Variants in MTMR3 observed in about 807,000 individuals in gnomAD.
MTMR3 encodes the protein myotubularin related protein 3.
A neutral mutation model predicts 132.4 loss-of-function variants in MTMR3; 32 were observed. That is an observed-to-expected ratio of 0.24 (90% CI 0.18 to 0.32). MTMR3 has a LOEUF of 0.32. Ranked by LOEUF, MTMR3 falls within the 10% of genes least tolerant of loss-of-function variation. The probability of loss-of-function intolerance (pLI) is 1.00; values close to 1 mark genes in which losing one functional copy is unlikely to be tolerated. For synonymous variants in MTMR3, 556 were observed against 550.3 expected, an observed-to-expected ratio of 1.01 and a Z score of -0.14; for missense variants, 1,216 against 1,489.6, an observed-to-expected ratio of 0.82 and a Z score of 3.02.
At chr22:29,978,581 T>C (rs2066675924) in intron 4 of MTMR3, 50 bp downstream of exon 4, 1 of 1,416,898 alleles carries the variant, frequency 7.1e-7, no homozygotes, top group Non-Finnish European at 9.9e-7. Flanking sequence ...GCATTAACTG[T>C]ATAGCAGAGT....
intron 3 of MTMR3, among the ~76,000 whole-genome samples, chr22:29,973,160 C>T (rs1194613978): frequency 2.6e-5 from 4 of 152,172 alleles, no homozygotes; most frequent in Admixed American, 6.5e-5. Flanking sequence ...TTGTTTTTAA[C>T]TGTAAACCGC....
chr22:29,986,666 T>G, intron 5 of MTMR3: 7 of 853,528 alleles, frequency 8.2e-6, no homozygotes, highest in Non-Finnish European at 9.9e-6. Flanking sequence ...TTTCTTTTCT[T>G]TTTTTTTTGT....
chr22:29,933,214 T>G (rs1356119240), intron 1 of MTMR3, among the ~76,000 whole-genome samples: 1 of 152,056 alleles, frequency 6.6e-6, no homozygotes, highest in East Asian at 1.9e-4. Context: ...ATGATCCACC[T>G]GCCTCGGCCT....
At chr22:29,975,909 G>T (rs1413694548) in intron 3 of MTMR3, among the ~76,000 whole-genome samples, 1 of 152,190 alleles carries the variant, frequency 6.6e-6, no homozygotes. Flanking sequence ...CTGGCCAGTG[G>T]TGGTTCTTTA....
chr22:30,024,042 C>G (rs924173867), intron 19 of MTMR3: 1 of 153,250 alleles, frequency 6.5e-6, no homozygotes, highest in Non-Finnish European at 1.5e-5. Context: ...CGCCTATAAT[C>G]CTAGCACTTT....
At chr22:29,982,830 T>C (rs1235734127) in intron 5 of MTMR3, 1 of 152,194 alleles carries the variant, frequency 6.6e-6, no homozygotes. Context: ...TTGCTCCTAT[T>C]CTGTGCTTTT....
chr22:29,901,365 A>G (rs1315950896), intron 1 of MTMR3, among the ~76,000 whole-genome samples: 2 of 151,744 alleles, frequency 1.3e-5, no homozygotes, highest in East Asian at 1.9e-4. Flanking sequence ...TTGGAGGCAG[A>G]TGAGACCAAA....
intron 1 of MTMR3, among the ~76,000 whole-genome samples, chr22:29,887,819 T>C (rs1463609144): frequency 1.3e-5 from 2 of 152,194 alleles, no homozygotes; most frequent in Non-Finnish European, 2.9e-5. Flanking sequence ...AATGTACTTA[T>C]TTAAAAAAGC....
In MTMR3 at chr22:30,012,470, G is replaced by T. The variant is rs746094739; in HGVS notation, c.1224G>T (p.Pro408=). 6.2e-7 allele frequency: 1 copy of T among 1,614,100 alleles called. No homozygotes were observed. The highest frequency in any genetic ancestry group is 8.5e-7 in the Non-Finnish European group (1 of 1,180,026). ...ATGCTGTGGATCAGGATCAGCGGCCGGTGCTAGTACACTGCTCAGATGGCT... is the reference window on the plus strand; with the variant it reads ...ATGCTGTGGATCAGGATCAGCGGCCTGTGCTAGTACACTGCTCAGATGGCT... The part of the protein sequence containing the change: ...VVHAVDQDQR[P]VLVHCSDGWD... The change falls in exon 13 of 20, where the codon CCG becomes CCT. Residue 408 remains proline, a synonymous_variant. Coordinates refer to ENST00000401950, the MANE Select transcript of MTMR3 (RefSeq NM_021090.4).
intron 1 of MTMR3, among the ~76,000 whole-genome samples, chr22:29,898,094 G>A (rs9614103): frequency 1.3e-5 from 2 of 152,136 alleles, no homozygotes; most frequent in African/African-American, 4.8e-5. Context: ...TCGAGCCTCA[G>A]CCTCTCGAGT....
chr22:30,009,870 C>G (rs1397545755), intron 12 of MTMR3: 1 of 152,192 alleles, frequency 6.6e-6, no homozygotes, highest in Non-Finnish European at 1.5e-5. Flanking sequence ...GGTATTTGTG[C>G]TGGAGCCCAT....
intron 1 of MTMR3, among the ~76,000 whole-genome samples, chr22:29,932,580 A>G (rs556274062): frequency 6.6e-6 from 1 of 152,202 alleles, no homozygotes; most frequent in African/African-American, 2.4e-5. Flanking sequence ...AGCATTCCTC[A>G]TGGTCAGAGT....
At position 30,009,149 on chromosome 22, in the gene MTMR3, T is replaced by G; in HGVS notation, c.1121+20T>G. 6.5e-7 allele frequency: 1 copy of G among 1,527,820 alleles called. No individual in the cohort carries two copies. Among genetic ancestry groups the G allele is most frequent in the Non-Finnish European group, 9.1e-7 (1 of 1,101,760 alleles). 94.6% of individuals were successfully genotyped at this position (1,527,820 alleles called of 1,614,324 possible). A position where few individuals can be genotyped will look rare whatever the true frequency, so the allele number is the denominator to read the frequency against. ...GGGAAAGTAAGTCCTTGGCCTTGGC[T>G]TTCATTTTGCATTGCTCTTAAATAA... On this transcript the variant is annotated intron_variant, in intron 12 of 19. Transcript: ENST00000401950.
chr22:29,936,324 C>G (rs1181237434), intron 1 of MTMR3, among the ~76,000 whole-genome samples: 3 of 152,160 alleles, frequency 2.0e-5, no homozygotes, highest in Non-Finnish European at 4.4e-5. Context: ...AAACTGATCA[C>G]ATGGACCAGA....
chr22:30,017,220 A>G (rs1269064252), intron 15 of MTMR3: 1 of 154,934 alleles, frequency 6.5e-6, no homozygotes, highest in East Asian at 1.9e-4. Flanking sequence ...CCCCGAAGGA[A>G]TGAATACCTT....
chr22:29,905,721 T>C (rs6006299), intron 1 of MTMR3, among the ~76,000 whole-genome samples: 7,170 of 152,282 alleles, frequency 0.047, 576 homozygotes, highest in African/African-American at 0.16. Flanking sequence ...ATTATGTATT[T>C]TATGTATTCG....
At chr22:29,966,487 C>T (rs1286379717) in intron 2 of MTMR3, among the ~76,000 whole-genome samples, 1 of 152,000 alleles carries the variant, frequency 6.6e-6, no homozygotes, top group Admixed American at 6.6e-5. Flanking sequence ...TGTAGTTTTC[C>T]ATAGACTAGA....
At chr22:29,984,536 G>A (rs2066819115) in intron 5 of MTMR3, 1 of 152,168 alleles carries the variant, frequency 6.6e-6, no homozygotes, top group Non-Finnish European at 1.5e-5. Flanking sequence ...GCTTTTTGAG[G>A]AATTGGTTGT....
chr22:30,020,368 C>T lies in MTMR3; in HGVS notation c.2709C>T (p.Ser903=), dbSNP rs1288106280. Residue 903 remains serine (S), a synonymous_variant, in exon 17 of 20, where the codon TCC becomes TCT. Coordinates refer to ENST00000401950, the MANE Select transcript of MTMR3 (RefSeq NM_021090.4). ...TGGGGTCTGTGGTGCATAGGACTTC[C>T]CTTGGCAGCACTCTCAGCCTGACAC... ...PQVGSVVHRT[S]LGSTLSLTRS... The T allele has an allele frequency of 3.1e-6, 5 of 1,614,068 alleles. No homozygotes were observed. Among genetic ancestry groups the T allele is most frequent in the Admixed American group, 3.3e-5 (2 of 60,012 alleles).
Sources: allele counts gnomAD v4.1 joint callset (sites outside exome capture counted in the v4.1 genomes callset), GRCh38; gene constraint gnomAD v4.1.1; transcripts MANE v1.5; gene names NCBI Gene and HGNC (gene_info 2026-07-23, HGNC 2026-07-21).